KIF5B: variants seen among roughly 807,000 people sequenced by gnomAD.
KIF5B encodes the protein kinesin family member 5B.
Under a neutral mutation model 132.8 loss-of-function variants are expected in KIF5B, and 49 were observed. That is an observed-to-expected ratio of 0.37 (90% CI 0.29 to 0.47). The LOEUF (loss-of-function observed/expected upper bound fraction) is 0.47, where lower values mean the gene tolerates loss of function less well. Ranked by LOEUF, KIF5B falls within the 20% of genes least tolerant of loss-of-function variation. The pLI is 1.00. For missense variants in KIF5B, 780 were observed against 1,144.0 expected (o/e 0.68, Z 4.59); for synonymous variants, 355 against 369.4 (o/e 0.96, Z 0.45).
chr10:32,055,296 T>C (rs1199556137), intron 1 of KIF5B, among the ~76,000 whole-genome samples: 2 of 152,180 alleles, frequency 1.3e-5, no homozygotes, highest in Non-Finnish European at 2.9e-5. Context: ...GTTGGAGGTA[T>C]AGATAATATT....
Position 32,021,119 on chromosome 10 carries a change from G to A in KIF5B, c.2107C>T (p.Gln703Ter). ...GTTTCTCTATGGCTCTGGATCTGCT[G>A]TTCAACAGCTTGCTAAAATTTTGGG... is the stretch of plus-strand genomic sequence containing the variant. ...TANEVKQAVE[Q>*]QIQSHRETHQ... Residue 703 changes from glutamine (Q) to a stop codon, truncating the protein, a stop_gained, in exon 19 of 26, where the codon CAG becomes TAG. Coordinates refer to ENST00000302418, the MANE Select transcript of KIF5B (RefSeq NM_004521.3). LOFTEE classifies it high-confidence loss of function. 6.2e-7 allele frequency: 1 copy of A among 1,613,456 alleles called. No individual in the cohort carries two copies. The highest frequency in any genetic ancestry group is 8.5e-7 in the Non-Finnish European group (1 of 1,179,648).
At chr10:32,013,498 G>A (rs1468999041) in intron 25 of KIF5B, among the ~76,000 whole-genome samples, 1 of 152,124 alleles carries the variant, frequency 6.6e-6, no homozygotes, top group Non-Finnish European at 1.5e-5. Context: ...TCACTAAAGA[G>A]GGTGCTCATT....
Position 32,032,752 on chromosome 10 carries a change from CTT to C in KIF5B, c.1326_1327del (p.Gln444ThrfsTer29). 6.2e-7 allele frequency: 1 copy of C among 1,613,982 alleles called. No homozygotes were observed. Among genetic ancestry groups the C allele is most frequent in the Non-Finnish European group, 8.5e-7 (1 of 1,179,866 alleles). Reference sequence around the variant, plus strand: ...CGTCTTCAGTTTCTCTACCAGTTGACTTTGCTGGTTAATTTCTTCATCCTAGA... The same window carrying C: ...CGTCTTCAGTTTCTCTACCAGTTGACTGCTGGTTAATTTCTTCATCCTAGA... On this transcript the variant is annotated frameshift_variant, in exon 13 of 26. Coordinates refer to ENST00000302418, the MANE Select transcript of KIF5B (RefSeq NM_004521.3). LOFTEE classifies it high-confidence loss of function.
chr10:32,022,120 TA>T lies in KIF5B; in HGVS notation c.2032+19del, dbSNP rs1441428611. On this transcript the variant is annotated intron_variant, in intron 17 of 25. Coordinates refer to ENST00000302418, the MANE Select transcript of KIF5B (RefSeq NM_004521.3). Reference sequence around the variant, plus strand: ...AAAATAAGAACACAGATGTAACTCATAAACAGTTGGAAGCTATACCTTGTGC... The same window carrying T: ...AAAATAAGAACACAGATGTAACTCATAACAGTTGGAAGCTATACCTTGTGC... The T allele has an allele frequency of 8.2e-7, 1 of 1,213,844 alleles. No individual in the cohort carries two copies. The highest frequency in any genetic ancestry group is 1.2e-6 in the Non-Finnish European group (1 of 835,548). The allele number at this position is 1,213,844 out of a possible 1,614,324, so 75.2% of individuals were successfully genotyped here. A position where few individuals can be genotyped will look rare whatever the true frequency, so the allele number is the denominator to read the frequency against.
chr10:32,048,320 C>T, intron 2 of KIF5B, 144 bp downstream of exon 2: 1 of 573,068 alleles, frequency 1.7e-6, no homozygotes, highest in Non-Finnish European at 3.1e-6. Context: ...TGTGTTTGAC[C>T]TTTTTATTAT....
rs551531026 is a variant in KIF5B at position 32,022,308 on chromosome 10, T to G, written c.1915-51A>C. ...AAGTGGAAAACATATGCATACACTT[T>G]AAGAATATTTGACAGTAAACATTTC... On this transcript the variant is annotated intron_variant, in intron 16 of 25. Coordinates refer to ENST00000302418, the MANE Select transcript of KIF5B (RefSeq NM_004521.3). The G allele has an allele frequency of 9.4e-6, 8 of 847,570 alleles. No homozygotes were observed. In the South Asian group the frequency reaches 1.2e-4, roughly 13 times the overall value. The allele number at this position is 847,570 out of a possible 1,614,324, so 52.5% of individuals were successfully genotyped here.
intron 2 of KIF5B, among the ~76,000 whole-genome samples, chr10:32,042,172 A>G (rs1841550517): frequency 6.6e-6 from 1 of 152,156 alleles, no homozygotes; most frequent in African/African-American, 2.4e-5. Flanking sequence ...TAAGCAAGCC[A>G]ATCCTTGTTT....
intron 25 of KIF5B, among the ~76,000 whole-genome samples, chr10:32,014,920 TG>T: frequency 6.6e-6 from 1 of 152,040 alleles, no homozygotes; most frequent in East Asian, 1.9e-4. Context: ...GTCAGGAGTT[TG>T]AGACCAGCCT....
intron 25 of KIF5B, among the ~76,000 whole-genome samples, chr10:32,015,121 T>G (rs1400202986): frequency 6.8e-6 from 1 of 147,778 alleles, no homozygotes; most frequent in Middle Eastern, 3.5e-3. Context: ...AGATTCCATC[T>G]CAAAAAGAAA....
chr10:32,013,928 T>G (rs1311923434), intron 25 of KIF5B, among the ~76,000 whole-genome samples: 1 of 152,210 alleles, frequency 6.6e-6, no homozygotes, highest in Non-Finnish European at 1.5e-5. Context: ...TTGCTAGAAA[T>G]GTGAATCCTT....
chr10:32,027,039 T>TTTTC (rs10699342), intron 15 of KIF5B, among the ~76,000 whole-genome samples: 32,169 of 152,080 alleles, frequency 0.21, 3,565 homozygotes, highest in Non-Finnish European at 0.24. Context: ...TTTAAAAATA[T>TTTTC]TTTTTCTTCA....
intron 25 of KIF5B, among the ~76,000 whole-genome samples, chr10:32,012,675 T>A (rs752923176): frequency 6.6e-6 from 1 of 152,218 alleles, no homozygotes; most frequent in Non-Finnish European, 1.5e-5. Flanking sequence ...GGTGTCACTT[T>A]ACTGCTATCA....
intron 8 of KIF5B, among the ~76,000 whole-genome samples, 191 bp downstream of exon 8, chr10:32,037,063 A>G (rs1841469851): frequency 6.6e-6 from 1 of 152,194 alleles, no homozygotes; most frequent in Non-Finnish European, 1.5e-5. Flanking sequence ...GAGTATGGTC[A>G]AACAACAGTA....
intron 2 of KIF5B, among the ~76,000 whole-genome samples, chr10:32,040,931 T>C (rs867345613): frequency 1.0e-3 from 151 of 146,540 alleles, no homozygotes; most frequent in African/African-American, 3.4e-3. Context: ...GAGGTTGCAG[T>C]GAGCCGAGAT....
chr10:32,043,837 A>G (rs1007926071), intron 2 of KIF5B, among the ~76,000 whole-genome samples: 6 of 152,158 alleles, frequency 3.9e-5, no homozygotes, highest in Non-Finnish European at 8.8e-5. Flanking sequence ...AGAGAGTACT[A>G]TCTGCTTTCA....
intron 13 of KIF5B, among the ~76,000 whole-genome samples, chr10:32,031,672 A>C (rs111672739): frequency 3.0e-4 from 45 of 151,858 alleles, no homozygotes; most frequent in African/African-American, 1.0e-3. Context: ...TAATGTAATA[A>C]AGGAAAATGG....
chr10:32,037,621 T>G lies in KIF5B; in HGVS notation c.499-14A>C. The stretch of plus-strand genomic sequence containing the variant: ...CTCTGTGCACCCCTGTGAAATAATT[T>G]TTAAAAATATGTTAATGTCTGGCCA... On this transcript the variant is annotated splice_polypyrimidine_tract_variant and intron_variant, in intron 6 of 25. Transcript: ENST00000302418. 6.4e-7 allele frequency: 1 copy of G among 1,571,348 alleles called. No homozygotes were observed. Among genetic ancestry groups the G allele is most frequent in the African/African-American group, 1.4e-5 (1 of 74,004 alleles).
At chr10:32,040,626 AACACACAC>A (rs72393080) in intron 2 of KIF5B, among the ~76,000 whole-genome samples, 169 bp from the exon 3 acceptor site, 20 of 142,124 alleles carry the variant, frequency 1.4e-4, no homozygotes, top group African/African-American at 2.1e-4. Context: ...AACACCCTAA[AACACACAC>A]ACACACACAC....
At chr10:32,051,684 T>C (rs890822997) in intron 1 of KIF5B, among the ~76,000 whole-genome samples, 1 of 152,194 alleles carries the variant, frequency 6.6e-6, no homozygotes, top group East Asian at 1.9e-4. Flanking sequence ...AACAGTCTTA[T>C]CTTGATTGCA....
Sources: gnomAD v4.1 joint callset for allele counts (sites outside exome capture counted in the v4.1 genomes callset) on GRCh38, gnomAD v4.1.1 for gene constraint, MANE v1.5 for transcripts, NCBI Gene and HGNC (gene_info 2026-07-23, HGNC 2026-07-21) for gene names.